SPPL3: variants seen among roughly 807,000 people sequenced by gnomAD.
SPPL3 encodes the protein signal peptide peptidase like 3, also known as signal peptide peptidase-like 3.
In SPPL3, 5 loss-of-function variants were observed where a neutral mutation model predicts 42.4. That is an observed-to-expected ratio of 0.12 (90% confidence interval 0.06 to 0.25). The LOEUF (loss-of-function observed/expected upper bound fraction) is 0.25, where lower values mean the gene tolerates loss of function less well. Among genes scored for constraint, SPPL3 ranks in the 10% least tolerant of loss-of-function variants. The pLI, the probability that SPPL3 is intolerant of heterozygous loss-of-function variation, is 1.00. For synonymous variants in SPPL3, 195 were observed against 181.8 expected (o/e 1.07, Z -0.58); for missense variants, 235 against 489.0 (o/e 0.48, Z 4.90).
At position 120,827,374 on chromosome 12, in the gene SPPL3, T is replaced by C. The variant is rs193223964; in HGVS notation, c.24-16488A>G. ...TAATAATATAATAATATAATAATAA[T>C]AACAATAATAATAATAATACTTTGG... On this transcript the variant is annotated intron_variant, in intron 1 of 10. Transcript: ENST00000353487. Among the ~76,000 whole-genome samples, 28 of 148,958 alleles carry C rather than the reference T, an allele frequency of 1.9e-4. No homozygotes were observed. In the East Asian group the frequency reaches 2.1e-3, roughly 11 times the overall value.
At chr12:120,886,015 C>A (rs534701081) in intron 1 of SPPL3, among the ~76,000 whole-genome samples, 1 of 151,954 alleles carries the variant, frequency 6.6e-6, no homozygotes, top group East Asian at 1.9e-4. Context: ...CCACCATGCC[C>A]AGCTAATTTT....
intron 1 of SPPL3, among the ~76,000 whole-genome samples, chr12:120,816,808 C>T (rs1870891604): frequency 6.6e-6 from 1 of 152,098 alleles, no homozygotes; most frequent in South Asian, 2.1e-4. Flanking sequence ...AGGCCTAATT[C>T]CAGAGTCTCT....
intron 6 of SPPL3, among the ~76,000 whole-genome samples, chr12:120,780,468 G>A (rs952520848): frequency 6.6e-5 from 10 of 151,230 alleles, no homozygotes; most frequent in Non-Finnish European, 1.3e-4. Flanking sequence ...AAAAAAAGCT[G>A]GGGGAGGCCA....
intron 1 of SPPL3, among the ~76,000 whole-genome samples, chr12:120,849,696 C>T (rs1872161090): frequency 1.3e-5 from 2 of 152,136 alleles, no homozygotes; most frequent in African/African-American, 4.8e-5. Flanking sequence ...GACTAGTGCA[C>T]AATACATGTA....
chr12:120,815,969 A>C (rs2137005089), intron 1 of SPPL3, among the ~76,000 whole-genome samples: 1 of 152,164 alleles, frequency 6.6e-6, no homozygotes, highest in African/African-American at 2.4e-5. Flanking sequence ...ACCTCAGGTG[A>C]TCCACCCACC....
intron 1 of SPPL3, among the ~76,000 whole-genome samples, chr12:120,879,282 C>A (rs1873210991): frequency 6.6e-6 from 1 of 152,044 alleles, no homozygotes; most frequent in Non-Finnish European, 1.5e-5. Flanking sequence ...GAAGTATAAA[C>A]TGACATTCCT....
chr12:120,883,402 T>C lies in SPPL3; in HGVS notation c.23+20443A>G, dbSNP rs80064617. 2.1e-3 allele frequency among the ~76,000 whole-genome samples: 323 copies of C among 152,288 alleles called. 1 individual carries two copies. The highest frequency in any genetic ancestry group is 3.6e-3 in the Non-Finnish European group (242 of 68,034). On this transcript the variant is annotated intron_variant, in intron 1 of 10. Transcript: ENST00000353487. Reference sequence around the variant, plus strand: ...GCTTGAACTCTAACCTATTCCTATTTAGAGGAACATATAGGAGACTATCTT... The same window carrying C: ...GCTTGAACTCTAACCTATTCCTATTCAGAGGAACATATAGGAGACTATCTT...
chr12:120,885,233 T>C (rs538737412), intron 1 of SPPL3, among the ~76,000 whole-genome samples: 1 of 152,298 alleles, frequency 6.6e-6, no homozygotes, highest in South Asian at 2.1e-4. Context: ...AAAATAATAA[T>C]GTATACAAAA....
chr12:120,881,499 A>C (rs1353282633), intron 1 of SPPL3, among the ~76,000 whole-genome samples: 1 of 146,426 alleles, frequency 6.8e-6, no homozygotes, highest in Non-Finnish European at 1.5e-5. Flanking sequence ...AGAGAAGAGA[A>C]GGAAAAAAAT....
intron 1 of SPPL3, among the ~76,000 whole-genome samples, chr12:120,860,869 A>T (rs1046234392): frequency 6.6e-5 from 10 of 152,158 alleles, no homozygotes; most frequent in African/African-American, 2.2e-4. Context: ...GTTCCAGGAC[A>T]ACCCCCTACT....
At chr12:120,818,674 T>C (rs2137007147) in intron 1 of SPPL3, among the ~76,000 whole-genome samples, 1 of 152,326 alleles carries the variant, frequency 6.6e-6, no homozygotes, top group Admixed American at 6.5e-5. Context: ...ATTCTAACAC[T>C]GCACAGACAT....
intron 1 of SPPL3, among the ~76,000 whole-genome samples, chr12:120,859,796 A>G (rs1212961369): frequency 6.6e-6 from 1 of 152,132 alleles, no homozygotes; most frequent in Non-Finnish European, 1.5e-5. Context: ...ATACAAAATT[A>G]GCTGGGGATG....
At chr12:120,789,877 T>C (rs919765484) in intron 3 of SPPL3, among the ~76,000 whole-genome samples, 1 of 150,616 alleles carries the variant, frequency 6.6e-6, no homozygotes, top group East Asian at 2.0e-4. Flanking sequence ...GTAACTTCTT[T>C]CCACTGTACG....
chr12:120,889,136 C>T (rs1873554621), intron 1 of SPPL3, among the ~76,000 whole-genome samples: 1 of 152,018 alleles, frequency 6.6e-6, no homozygotes, highest in Non-Finnish European at 1.5e-5. Context: ...CTTTCAAAAG[C>T]TATTTATAAA....
At chr12:120,898,355 C>G (rs996686582) in intron 1 of SPPL3, among the ~76,000 whole-genome samples, 1 of 144,366 alleles carries the variant, frequency 6.9e-6, no homozygotes, top group Non-Finnish European at 1.5e-5. Flanking sequence ...CACAGAGCAG[C>G]CACCTATTTA....
At chr12:120,790,745 G>A (rs1029416488) in intron 3 of SPPL3, among the ~76,000 whole-genome samples, 1 of 152,046 alleles carries the variant, frequency 6.6e-6, no homozygotes, top group Non-Finnish European at 1.5e-5. Context: ...GGGATTCTGA[G>A]GCTATGGTGA....
intron 1 of SPPL3, among the ~76,000 whole-genome samples, 156 bp downstream of exon 1, chr12:120,903,689 G>A (rs1009688089): frequency 2.7e-4 from 41 of 151,296 alleles, no homozygotes; most frequent in African/African-American, 9.9e-4. Context: ...CGCGCCAGCC[G>A]CCCCCTCCGG....
At chr12:120,887,637 C>A (rs2137062844) in intron 1 of SPPL3, among the ~76,000 whole-genome samples, 1 of 152,284 alleles carries the variant, frequency 6.6e-6, no homozygotes, top group Non-Finnish European at 1.5e-5. Flanking sequence ...AATCTGTGAA[C>A]CAAAGGTGTA....
At chr12:120,869,788 C>T (rs1872865743) in intron 1 of SPPL3, among the ~76,000 whole-genome samples, 1 of 152,156 alleles carries the variant, frequency 6.6e-6, no homozygotes, top group South Asian at 2.1e-4. Flanking sequence ...TCTAAGCATA[C>T]TACAAATATA....
Sources: gnomAD v4.1 joint callset for allele counts (sites outside exome capture counted in the v4.1 genomes callset) on GRCh38, gnomAD v4.1.1 for gene constraint, MANE v1.5 for transcripts, NCBI Gene and HGNC (gene_info 2026-07-23, HGNC 2026-07-21) for gene names.